ADGB: variants seen among roughly 807,000 people sequenced by gnomAD.
ADGB encodes the protein androglobin.
In ADGB, 172 loss-of-function variants were observed where a neutral mutation model predicts 210.5. The ratio of observed to expected loss-of-function variants is 0.82; its 90% CI spans 0.72 to 0.93. The LOEUF (loss-of-function observed/expected upper bound fraction) is 0.93, where lower values mean the gene tolerates loss of function less well. ADGB is among the 40% of genes least tolerant of loss of function. The pLI is 0.00. For synonymous variants in ADGB, 658 were observed against 662.7 expected (o/e 0.99, Z 0.11); for missense variants, 2,025 against 1,964.8 (o/e 1.03, Z -0.58).
chr6:146,645,490 TTTAA>T lies in ADGB; in HGVS notation c.330+629_330+632del, dbSNP rs148025076. Among the ~76,000 whole-genome samples the T allele has an allele frequency of 9.9e-3, 1,507 of 152,118 alleles. 29 individuals are homozygous for T. Among genetic ancestry groups the T allele is most frequent in the African/African-American group, 0.033 (1,366 of 41,542 alleles). ...TGAATATATTTAGCTTTTCCAAGGG[TTTAA>T]TTATGACTAATGCCTTTTTTCTTCC... On this transcript the variant is annotated intron_variant, in intron 3 of 35. Transcript: ENST00000397944.
chr6:146,787,222 C>T (rs1777885992), intron 32 of ADGB, among the ~76,000 whole-genome samples: 1 of 152,130 alleles, frequency 6.6e-6, no homozygotes, highest in African/African-American at 2.4e-5. Context: ...AACTGTACAG[C>T]TCGATTAATT....
chr6:146,802,054 T>G, intron 35 of ADGB, 43 bp downstream of exon 35: 1 of 1,279,434 alleles, frequency 7.8e-7, no homozygotes, highest in Non-Finnish European at 1.0e-6. Flanking sequence ...TGGCAAATTC[T>G]TTCGTAACAT....
At position 146,676,304 on chromosome 6, in the gene ADGB, A is replaced by G. The variant is rs191553526; in HGVS notation, c.1088-9A>G. On this transcript the variant is annotated splice_polypyrimidine_tract_variant and intron_variant, in intron 8 of 35. Coordinates refer to ENST00000397944, the MANE Select transcript of ADGB (RefSeq NM_024694.4). ...TTAAAATATTTATTGTGATTTTTTC[A>G]TATGTTAGAGAAAGCAGATGCAAGA... The G allele has an allele frequency of 5.1e-4, 782 of 1,534,058 alleles. 6 individuals are homozygous for G. In the African/African-American group the frequency reaches 7.5e-3, roughly 15 times the overall value.
intron 12 of ADGB, 64 bp downstream of exon 12, chr6:146,692,979 C>A: frequency 1.1e-6 from 1 of 875,684 alleles, no homozygotes; most frequent in Non-Finnish European, 1.8e-6. Context: ...ATGTGTCTGG[C>A]TAAAGATAAC....
chr6:146,747,472 G>A (rs897702249), intron 26 of ADGB, among the ~76,000 whole-genome samples: 9 of 152,136 alleles, frequency 5.9e-5, no homozygotes, highest in African/African-American at 1.4e-4. Context: ...TGAAGAGGGA[G>A]CTGCTTAGGT....
rs1332678593 is a variant in ADGB, at chr6:146,734,045, A to G, written c.2794+15A>G. The G allele has an allele frequency of 1.3e-6, 2 of 1,545,640 alleles. No individual in the cohort carries two copies. Among genetic ancestry groups the G allele is most frequent in the African/African-American group, 1.4e-5 (1 of 72,666 alleles). ...CAGAATACCAGGTATGATTGTCCAAACATTTATAAAATGAACTTGTTTGTA... is the reference window on the plus strand; with the variant it reads ...CAGAATACCAGGTATGATTGTCCAAGCATTTATAAAATGAACTTGTTTGTA... On this transcript the variant is annotated intron_variant, in intron 22 of 35. Transcript: ENST00000397944.
chr6:146,814,972 T>C, intron 35 of ADGB, 60 bp from the exon 36 acceptor site: 2 of 1,460,160 alleles, frequency 1.4e-6, no homozygotes, highest in Non-Finnish European at 1.8e-6. Context: ...TTTTTTTCTT[T>C]CTGGGAACAT....
chr6:146,721,170 T>TA (rs1776807504), intron 16 of ADGB, among the ~76,000 whole-genome samples: 1 of 152,178 alleles, frequency 6.6e-6, no homozygotes, highest in Admixed American at 6.5e-5. Context: ...CTCTCTCTGA[T>TA]ATGGTGGCTA....
chr6:146,657,025 T>C, intron 5 of ADGB, 45 bp downstream of exon 5: 1 of 1,472,966 alleles, frequency 6.8e-7, no homozygotes, highest in Non-Finnish European at 9.3e-7. Flanking sequence ...GTCTTTCATA[T>C]TGAAATATAC....
At chr6:146,600,342 C>T (rs182809271) in intron 1 of ADGB, 25 of 271,024 alleles carry the variant, frequency 9.2e-5, no homozygotes, top group African/African-American at 4.3e-4. Flanking sequence ...GGTCCAAGGC[C>T]GAGGACGCCC....
At chr6:146,632,907 T>A (rs115089703) in intron 1 of ADGB, among the ~76,000 whole-genome samples, 3 of 152,258 alleles carry the variant, frequency 2.0e-5, no homozygotes, top group African/African-American at 7.2e-5. Context: ...GCTGTTAGCA[T>A]CCCTGGGTGT....
chr6:146,709,661 T>C (rs982153645), intron 13 of ADGB, among the ~76,000 whole-genome samples: 1 of 152,170 alleles, frequency 6.6e-6, no homozygotes. Flanking sequence ...GTCTATTGGG[T>C]GGCCTGGACC....
chr6:146,643,078 G>A (rs1263363964), intron 2 of ADGB, among the ~76,000 whole-genome samples: 3 of 151,802 alleles, frequency 2.0e-5, no homozygotes, highest in Non-Finnish European at 4.4e-5. Flanking sequence ...AATAAAGGAG[G>A]GGAAAATGAT....
intron 9 of ADGB, among the ~76,000 whole-genome samples, chr6:146,677,296 G>T (rs929659420): frequency 2.6e-5 from 4 of 151,980 alleles, no homozygotes; most frequent in Admixed American, 1.3e-4. Context: ...CATCTATCTT[G>T]GTGCTTCCAG....
chr6:146,793,130 C>T (rs191290399), intron 33 of ADGB, among the ~76,000 whole-genome samples: 74 of 152,256 alleles, frequency 4.9e-4, no homozygotes, highest in Non-Finnish European at 8.8e-4. Context: ...ATCAGATTGC[C>T]CTTTTTTCAA....
At chr6:146,747,783 A>T (rs201926717) in intron 26 of ADGB, among the ~76,000 whole-genome samples, 16 of 140,990 alleles carry the variant, frequency 1.1e-4, no homozygotes, top group East Asian at 6.2e-4. Context: ...ATATATATGT[A>T]TTTTTTTTTT....
chr6:146,715,993 G>C (rs920496494), intron 14 of ADGB, among the ~76,000 whole-genome samples: 1 of 150,482 alleles, frequency 6.6e-6, no homozygotes, highest in African/African-American at 2.5e-5. Flanking sequence ...TCTTGAACCA[G>C]GGAGTCAGAG....
chr6:146,672,937 G>T (rs536200483), intron 8 of ADGB, among the ~76,000 whole-genome samples: 7 of 151,920 alleles, frequency 4.6e-5, no homozygotes, highest in African/African-American at 1.7e-4. Context: ...CACCATGTTG[G>T]CCAGGCTGGT....
Position 146,801,927 on chromosome 6 carries a change from C to CAG in ADGB, c.4737_4738dup (p.Val1580GlufsTer14). 4 of 1,551,064 alleles carry CAG rather than the reference C, an allele frequency of 2.6e-6. No homozygotes were observed. The highest frequency in any genetic ancestry group is 2.6e-6 in the Non-Finnish European group (3 of 1,146,720). On this transcript the variant is annotated frameshift_variant, in exon 35 of 36. Coordinates refer to ENST00000397944, the MANE Select transcript of ADGB (RefSeq NM_024694.4). LOFTEE classifies it high-confidence loss of function. ...TTCATCAGTTTCGACAGCATAGGAC[C>CAG]AGAGTCCTTAGCATTCGAAACATTG...
Sources: gnomAD v4.1 joint callset for allele counts (sites outside exome capture counted in the v4.1 genomes callset) on GRCh38, gnomAD v4.1.1 for gene constraint, MANE v1.5 for transcripts, NCBI Gene and HGNC (gene_info 2026-07-23, HGNC 2026-07-21) for gene names.